The following SIAH2 variants were observed in gnomAD, a reference collection of about 807,000 sequenced individuals.
SIAH2 encodes E3 ubiquitin-protein ligase SIAH2.
Under a neutral mutation model 20.4 loss-of-function variants are expected in SIAH2, and 4 were observed. The observed-to-expected ratio is 0.20, with a 90% CI of 0.10 to 0.45. SIAH2 has a LOEUF of 0.45. Among genes scored for constraint, SIAH2 ranks in the 20% least tolerant of loss-of-function variants. The pLI is 0.99. For missense variants in SIAH2, 259 were observed against 440.3 expected (o/e 0.59, Z 3.69); for synonymous variants, 171 against 192.5 (o/e 0.89, Z 0.93).
chr3:150,762,292 G>T lies in SIAH2; in HGVS notation c.417+141C>A. On this transcript the variant is annotated intron_variant, in intron 1 of 1. Coordinates refer to ENST00000312960, the MANE Select transcript of SIAH2 (RefSeq NM_005067.7). The surrounding 1 kb of genome is among the most constrained non-coding windows in gnomAD (Gnocchi z 6.6). Reference sequence around the variant, plus strand: ...TACACCCAAAGTGGGCTTGAGGGAGGGTGGACGAAGTGTAAACATTTTTTC... The same window carrying T: ...TACACCCAAAGTGGGCTTGAGGGAGTGTGGACGAAGTGTAAACATTTTTTC... The T allele has an allele frequency of 6.9e-7, 1 of 1,449,440 alleles. No homozygotes were observed. The highest frequency in any genetic ancestry group is 9.0e-7 in the Non-Finnish European group (1 of 1,105,922). 89.8% of individuals were successfully genotyped at this position (1,449,440 alleles called of 1,614,324 possible).
intron 1 of SIAH2, among the ~76,000 whole-genome samples, chr3:150,757,039 C>T (rs1476350213): frequency 6.6e-6 from 1 of 152,172 alleles, no homozygotes; most frequent in Non-Finnish European, 1.5e-5. Context: ...CCCCAATACC[C>T]CCCATATTCC....
At position 150,762,589 on chromosome 3, in the gene SIAH2, G is replaced by A. The variant is rs1349178835; in HGVS notation, c.261C>T (p.Val87=). ...CCTGGCACTGCAGAATAGGAGGCAG[G>A]ACATAGTCAAAGCAGACCGGACACT... The part of the protein sequence containing the change: ...LFECPVCFDY[V]LPPILQCQAG... Residue 87 remains valine (V), a synonymous_variant, in exon 1 of 2, where the codon GTC becomes GTT. Coordinates refer to ENST00000312960, the MANE Select transcript of SIAH2 (RefSeq NM_005067.7). This position sits in a 1 kb window ranked among gnomAD's most constrained non-coding sequence, Gnocchi z 6.6. 1 of 1,613,016 alleles carries A rather than the reference G, an allele frequency of 6.2e-7. No homozygotes were observed. The highest frequency in any genetic ancestry group is 1.3e-5 in the African/African-American group (1 of 74,858).
intron 1 of SIAH2, among the ~76,000 whole-genome samples, chr3:150,759,287 A>C (rs951415861): frequency 2.0e-5 from 3 of 152,152 alleles, no homozygotes; most frequent in African/African-American, 7.2e-5. Context: ...TTGGCAATAC[A>C]TCCATTTTTT....
chr3:150,757,248 C>A (rs1714502548), intron 1 of SIAH2, among the ~76,000 whole-genome samples: 1 of 152,092 alleles, frequency 6.6e-6, no homozygotes, highest in South Asian at 2.1e-4. Flanking sequence ...TTCACTGGGA[C>A]CGCTTACTAT....
At chr3:150,755,076 G>A (rs1014378757) in intron 1 of SIAH2, among the ~76,000 whole-genome samples, 2 of 152,098 alleles carry the variant, frequency 1.3e-5, no homozygotes, top group African/African-American at 4.8e-5. Flanking sequence ...CACTTTGCAT[G>A]AATTATTAGT....
At chr3:150,758,435 C>T (rs1364055500) in intron 1 of SIAH2, among the ~76,000 whole-genome samples, 1 of 151,916 alleles carries the variant, frequency 6.6e-6, no homozygotes, top group Non-Finnish European at 1.5e-5. Flanking sequence ...CACTTCTCCC[C>T]CTAAACCCAC....
Position 150,762,422 on chromosome 3 carries a change from C to T in SIAH2, c.417+11G>A, listed in dbSNP as rs1186135585. On this transcript the variant is annotated intron_variant, in intron 1 of 1. Coordinates refer to ENST00000312960, the MANE Select transcript of SIAH2 (RefSeq NM_005067.7). The surrounding 1 kb of genome is among the most constrained non-coding windows in gnomAD (Gnocchi z 6.6). Reference sequence around the variant, plus strand: ...CACCGGCGGAGGTACGTGGGCTGTCCCTGGGCTTACCTTACAGGGAAACAG... The same window carrying T: ...CACCGGCGGAGGTACGTGGGCTGTCTCTGGGCTTACCTTACAGGGAAACAG... 2 of 1,605,274 alleles carry T rather than the reference C, an allele frequency of 1.2e-6. No homozygotes were observed. The highest frequency in any genetic ancestry group is 2.7e-5 in the African/African-American group (2 of 74,528).
At chr3:150,748,263 C>T (rs1442577287) in intron 1 of SIAH2, among the ~76,000 whole-genome samples, 2 of 152,098 alleles carry the variant, frequency 1.3e-5, no homozygotes, top group Non-Finnish European at 2.9e-5. Context: ...ATAGAAACCC[C>T]TTCATACACA....
At chr3:150,753,448 T>G (rs1714413736) in intron 1 of SIAH2, among the ~76,000 whole-genome samples, 1 of 152,170 alleles carries the variant, frequency 6.6e-6, no homozygotes, top group African/African-American at 2.4e-5. Flanking sequence ...GAAATGGACA[T>G]TCAACTGTAA....
At chr3:150,748,032 G>A (rs1330653829) in intron 1 of SIAH2, among the ~76,000 whole-genome samples, 1 of 150,586 alleles carries the variant, frequency 6.6e-6, no homozygotes, top group South Asian at 2.1e-4. Flanking sequence ...ACAAAGAGAT[G>A]TTGAAATCCC....
chr3:150,752,476 G>A (rs1302551435), intron 1 of SIAH2, among the ~76,000 whole-genome samples: 2 of 152,166 alleles, frequency 1.3e-5, no homozygotes, highest in Admixed American at 1.3e-4. Flanking sequence ...GGGCGTGATG[G>A]CATGAGCCTG....
Position 150,763,029 on chromosome 3 carries a change from T to A in SIAH2, c.-180A>T. ...GGAGGGCTGGACCGCGCTGATGCAC[T>A]CCGCAGCCCCCGGCGTTCCGAGCAC... is the stretch of plus-strand genomic sequence containing the variant. On this transcript the variant is annotated 5_prime_UTR_variant, in exon 1 of 2. Transcript: ENST00000312960. The surrounding 1 kb of genome is among the most constrained non-coding windows in gnomAD (Gnocchi z 4.1). The A allele has an allele frequency of 1.8e-6, 1 of 563,364 alleles. No homozygotes were observed. The highest frequency in any genetic ancestry group is 2.3e-6 in the Non-Finnish European group (1 of 428,860). The allele number at this position is 563,364 out of a possible 1,614,324, so 34.9% of individuals were successfully genotyped here. A position where few individuals can be genotyped will look rare whatever the true frequency, so the allele number is the denominator to read the frequency against.
intron 1 of SIAH2, among the ~76,000 whole-genome samples, chr3:150,750,180 A>T (rs1714326865): frequency 6.6e-6 from 1 of 152,210 alleles, no homozygotes; most frequent in East Asian, 1.9e-4. Flanking sequence ...TTTTAAAAGG[A>T]CTTCTAGCAA....
chr3:150,743,161 C>T (rs372148273), intron 1 of SIAH2, among the ~76,000 whole-genome samples: 8 of 152,212 alleles, frequency 5.3e-5, no homozygotes, highest in African/African-American at 1.4e-4. Context: ...ATAATTCTGT[C>T]GTCCCCCTCC....
chr3:150,760,156 A>G (rs1714572560), intron 1 of SIAH2, among the ~76,000 whole-genome samples: 1 of 152,184 alleles, frequency 6.6e-6, no homozygotes, highest in Non-Finnish European at 1.5e-5. Flanking sequence ...CTATGTATAC[A>G]TTCAAGTTTG....
In SIAH2 at chr3:150,762,364, G is replaced by A; in HGVS notation, c.417+69C>T. The stretch of plus-strand genomic sequence containing the variant: ...ATGCCGCCCGCCTCTCCGGGCCTGC[G>A]AGTGGGCTGGCGGATACCGGAGTCC... On this transcript the variant is annotated intron_variant, in intron 1 of 1. Coordinates refer to ENST00000312960, the MANE Select transcript of SIAH2 (RefSeq NM_005067.7). The surrounding 1 kb of genome is among the most constrained non-coding windows in gnomAD (Gnocchi z 6.6). The A allele has an allele frequency of 2.6e-6, 4 of 1,525,478 alleles. No homozygotes were observed. In the South Asian group the frequency reaches 3.7e-5, roughly 14 times the overall value. 94.5% of individuals were successfully genotyped at this position (1,525,478 alleles called of 1,614,324 possible).
At chr3:150,755,838 G>GAAT (rs1364487760) in intron 1 of SIAH2, among the ~76,000 whole-genome samples, 1 of 151,924 alleles carries the variant, frequency 6.6e-6, no homozygotes, top group East Asian at 1.9e-4. Flanking sequence ...TTTTAGTAGA[G>GAAT]ACGGGGTTTC....
Position 150,762,877 on chromosome 3 carries a change from G to C in SIAH2, c.-28C>G, listed in dbSNP as rs1714658692. On this transcript the variant is annotated 5_prime_UTR_variant, in exon 1 of 2. Transcript: ENST00000312960. The surrounding 1 kb of genome is among the most constrained non-coding windows in gnomAD (Gnocchi z 6.6). The stretch of plus-strand genomic sequence containing the variant: ...CGCTCCGAACCAACCATGGAACTGC[G>C]GGCGCCTGCCTGCCGCGGGGCCGCC... 11 of 1,177,540 alleles carry C rather than the reference G, an allele frequency of 9.3e-6. No individual in the cohort carries two copies. The highest frequency in any genetic ancestry group is 9.6e-6 in the Non-Finnish European group (9 of 941,868). 72.9% of individuals were successfully genotyped at this position (1,177,540 alleles called of 1,614,324 possible).
chr3:150,745,747 G>A (rs966173858), intron 1 of SIAH2, among the ~76,000 whole-genome samples: 1 of 152,016 alleles, frequency 6.6e-6, no homozygotes, highest in East Asian at 1.9e-4. Flanking sequence ...CACCCGCCAC[G>A]GCCTCCCAAA....
Sources: gnomAD v4.1 joint callset for allele counts (sites outside exome capture counted in the v4.1 genomes callset) on GRCh38, gnomAD v4.1.1 for gene constraint, Gnocchi (gnomAD v3.1) non-coding constraint, MANE v1.5 for transcripts, NCBI Gene and HGNC (gene_info 2026-07-23, HGNC 2026-07-21) for gene names.